The following EEA1 variants were observed in gnomAD, a reference collection of about 807,000 sequenced individuals.
EEA1 encodes the protein early endosome antigen 1, 162kD.
A neutral mutation model predicts 209.2 loss-of-function variants in EEA1; 111 were observed. The observed-to-expected ratio is 0.53, with a 90% CI of 0.45 to 0.62. The LOEUF (loss-of-function observed/expected upper bound fraction) is 0.62. Among genes scored for constraint, EEA1 ranks in the 20% least tolerant of loss-of-function variants. The probability of loss-of-function intolerance (pLI) is 0.00; values close to 1 mark genes in which losing one functional copy is unlikely to be tolerated. For missense variants in EEA1, 1,343 were observed against 1,530.8 expected (o/e 0.88, Z 2.05); for synonymous variants, 536 against 540.6 (o/e 0.99, Z 0.12).
intron 5 of EEA1, among the ~76,000 whole-genome samples, chr12:92,855,597 C>T (rs1327021527): frequency 6.6e-6 from 1 of 151,990 alleles, no homozygotes; most frequent in Non-Finnish European, 1.5e-5. Context: ...AATATACTAC[C>T]TTGGCATTAT....
At chr12:92,802,858 A>ATAATT in intron 18 of EEA1, 124 bp from the exon 19 acceptor site, 1 of 703,124 alleles carries the variant, frequency 1.4e-6, no homozygotes, top group Non-Finnish European at 2.2e-6. Flanking sequence ...ACAAGTAAAA[A>ATAATT]TAATTTAATT....
In EEA1 at chr12:92,777,725, G is replaced by A. The variant is rs1873718675; in HGVS notation, c.3894-62C>T. 2.0e-6 allele frequency: 3 copies of A among 1,506,126 alleles called. No homozygotes were observed. The African/African-American group carries it at 4.2e-5, about 21-fold the overall frequency. The allele number at this position is 1,506,126 out of a possible 1,614,324, so 93.3% of individuals were successfully genotyped here. ...AAAATCATTTAAAGACCCTTCTAGG[G>A]TATAGATAATGGACTACTTTAGTAA... On this transcript the variant is annotated intron_variant, in intron 26 of 28. Transcript: ENST00000322349.
At chr12:92,855,124 G>A (rs977594861) in intron 5 of EEA1, among the ~76,000 whole-genome samples, 1 of 147,306 alleles carries the variant, frequency 6.8e-6, no homozygotes, top group African/African-American at 2.5e-5. Context: ...ACTAAAACTT[G>A]CATTAGTTAA....
rs1457474628 is a variant in EEA1 at position 92,816,384 on chromosome 12, T to C, written c.1745A>G (p.Glu582Gly). 1 of 1,613,862 alleles carries C rather than the reference T, an allele frequency of 6.2e-7. No individual in the cohort carries two copies. The highest frequency in any genetic ancestry group is 1.1e-5 in the South Asian group (1 of 91,076). The stretch of plus-strand genomic sequence containing the variant: ...ACTTTCTGACTGATTCTTCAGCTTC[T>C]CTGTTAGTTGAGTTACCTGTTATAC... ...TLQEQVTQLTEKLKNQSESHK... is the reference protein window; with the variant it reads ...TLQEQVTQLTGKLKNQSESHK... Residue 582 changes from glutamate to glycine, a missense_variant, in exon 15 of 29, where the codon GAG (glutamate) becomes GGG (glycine). Physicochemically the swap from Glu to Gly is moderately conservative, Grantham distance 98 (BLOSUM62 -2). Transcript: ENST00000322349.
chr12:92,814,473 T>C (rs1875681746), intron 15 of EEA1, among the ~76,000 whole-genome samples: 1 of 152,192 alleles, frequency 6.6e-6, no homozygotes, highest in African/African-American at 2.4e-5. Flanking sequence ...TCATGATCTT[T>C]TTTATACAGC....
chr12:92,848,363 T>C (rs1351556669), intron 9 of EEA1, among the ~76,000 whole-genome samples: 1 of 152,130 alleles, frequency 6.6e-6, no homozygotes, highest in Admixed American at 6.5e-5. Flanking sequence ...GACTCACATC[T>C]TTAATACCAA....
At chr12:92,865,759 ATTTTG>A (rs1430574141) in intron 2 of EEA1, among the ~76,000 whole-genome samples, 1 of 122,588 alleles carries the variant, frequency 8.2e-6, no homozygotes, top group Non-Finnish European at 1.7e-5. Context: ...ATTTTATTTT[ATTTTG>A]AGAATGAGTC....
At chr12:92,893,489 C>T (rs1879745036) in intron 1 of EEA1, among the ~76,000 whole-genome samples, 1 of 152,134 alleles carries the variant, frequency 6.6e-6, no homozygotes, top group South Asian at 2.1e-4. Context: ...TACATATTTG[C>T]CTCAACATGT....
chr12:92,859,210 G>A (rs1247369740), intron 3 of EEA1: 3 of 1,612,936 alleles, frequency 1.9e-6, no homozygotes, highest in Non-Finnish European at 2.5e-6. Flanking sequence ...TCAGAGGACT[G>A]CAGCCTATGG....
In EEA1 at chr12:92,802,503, TG is replaced by T; in HGVS notation, c.2570del (p.Thr857LysfsTer2). On this transcript the variant is annotated frameshift_variant, in exon 19 of 29. Transcript: ENST00000322349. LOFTEE classifies it high-confidence loss of function. Reference protein sequence around the residue: ...EKEALMTELSTVKDKLSKVSD... With the variant: ...EKEALMTELSXVKDKLSKVSD... Reference sequence around the variant, plus strand: ...AAACTTTTGATAGTTTGTCCTTTACTGTAGAAAGCTCTGTCATTAAAGCTTC... The same window carrying T: ...AAACTTTTGATAGTTTGTCCTTTACTTAGAAAGCTCTGTCATTAAAGCTTC... 1 of 1,591,798 alleles carries T rather than the reference TG, an allele frequency of 6.3e-7. No homozygotes were observed. The highest frequency in any genetic ancestry group is 1.2e-5 in the South Asian group (1 of 86,106).
chr12:92,822,769 T>C (rs531454851), intron 13 of EEA1, among the ~76,000 whole-genome samples: 1 of 152,300 alleles, frequency 6.6e-6, no homozygotes, highest in Non-Finnish European at 1.5e-5. Context: ...CTGATGTCTC[T>C]CTCGGTTAAC....
At chr12:92,899,294 G>A (rs1042202976) in intron 1 of EEA1, among the ~76,000 whole-genome samples, 9 of 152,196 alleles carry the variant, frequency 5.9e-5, no homozygotes, top group African/African-American at 2.2e-4. Flanking sequence ...AAATAAACAT[G>A]AATTTTAGAT....
chr12:92,916,962 G>A (rs535729505), intron 1 of EEA1, among the ~76,000 whole-genome samples: 1 of 151,818 alleles, frequency 6.6e-6, no homozygotes, highest in Non-Finnish European at 1.5e-5. Flanking sequence ...AGCCTCAGGA[G>A]CCGACGCGAT....
intron 2 of EEA1, among the ~76,000 whole-genome samples, chr12:92,865,673 A>G (rs1878350960): frequency 6.6e-6 from 1 of 152,052 alleles, no homozygotes; most frequent in Admixed American, 6.5e-5. Context: ...GCAATTCATT[A>G]ATGAATTATG....
chr12:92,845,450 A>G (rs1162757466), intron 9 of EEA1, among the ~76,000 whole-genome samples: 3 of 152,204 alleles, frequency 2.0e-5, no homozygotes, highest in South Asian at 4.1e-4. Context: ...AGATATCACT[A>G]TGGGTGAAGT....
intron 1 of EEA1, among the ~76,000 whole-genome samples, chr12:92,900,246 C>T (rs993101515): frequency 1.3e-5 from 2 of 152,134 alleles, no homozygotes; most frequent in African/African-American, 4.8e-5. Context: ...TTTCTCCCCT[C>T]GACTTATCTA....
At position 92,826,200 on chromosome 12, in the gene EEA1, T is replaced by A; in HGVS notation, c.1490A>T (p.Gln497Leu). 6.2e-7 allele frequency: 1 copy of A among 1,613,800 alleles called. No individual in the cohort carries two copies. The highest frequency in any genetic ancestry group is 1.1e-5 in the South Asian group (1 of 91,080). Residue 497 changes from glutamine to leucine, a missense_variant, in exon 13 of 29, where the codon CAG (glutamine) becomes CTG (leucine). Transcript: ENST00000322349. ...KQQHQEQQAL[Q>L]QSTTAKLREA... ...TCGAAGTTTTGCCGTGGTGCTTTGC[T>A]GAAGAGCCTGTTGTTCTTGATGCTG...
At chr12:92,838,611 G>A (rs1877031426) in intron 10 of EEA1, among the ~76,000 whole-genome samples, 1 of 152,096 alleles carries the variant, frequency 6.6e-6, no homozygotes, top group African/African-American at 2.4e-5. Context: ...TGGGGAAAGG[G>A]GCAATGGTAA....
At chr12:92,862,364 G>A (rs530034123) in intron 3 of EEA1, among the ~76,000 whole-genome samples, 52 of 152,128 alleles carry the variant, frequency 3.4e-4, no homozygotes, top group Non-Finnish European at 7.5e-4. Context: ...GGCAGGTTGA[G>A]GTGGGAGAAT....
Sources: allele counts gnomAD v4.1 joint callset (sites outside exome capture counted in the v4.1 genomes callset), GRCh38; gene constraint gnomAD v4.1.1; transcripts MANE v1.5; gene names NCBI Gene and HGNC (gene_info 2026-07-23, HGNC 2026-07-21).